Variants in CIB1 observed in about 807,000 individuals in gnomAD.
CIB1 encodes calcium and integrin binding 1.
A neutral mutation model predicts 25.0 loss-of-function variants in CIB1; 19 were observed. The observed-to-expected ratio is 0.76, with a 90% CI of 0.53 to 1.12. The LOEUF (loss-of-function observed/expected upper bound fraction) is 1.12. Ranked by LOEUF, CIB1 falls within the 50% of genes most tolerant of loss-of-function variation. CIB1 has a pLI of 0.00. For synonymous variants in CIB1, 104 were observed against 98.5 expected, an observed-to-expected ratio of 1.06 and a Z score of -0.33; for missense variants, 236 against 242.6, an observed-to-expected ratio of 0.97 and a Z score of 0.18.
At chr15:90,257,953 T>A in the CIB1 span, 1 of 1,299,496 alleles carries the variant, frequency 7.7e-7, no homozygotes, top group Non-Finnish European at 1.1e-6. Flanking sequence ...GGCATGCAAT[T>A]AGCGTTAGTG....
the CIB1 span, among the ~76,000 whole-genome samples, chr15:90,254,491 T>TAA: frequency 1.2e-5 from 1 of 84,238 alleles, no homozygotes; most frequent in African/African-American, 4.3e-5. Flanking sequence ...AGACTCCATC[T>TAA]AAAAAAAAAA....
At chr15:90,250,576 C>CTGAGGTCTG in the CIB1 span, 1 of 1,563,524 alleles carries the variant, frequency 6.4e-7, no homozygotes, top group Non-Finnish European at 8.7e-7. Flanking sequence ...TGAGGGAGGT[C>CTGAGGTCTG]TGAGGTCTGA....
the CIB1 span, among the ~76,000 whole-genome samples, chr15:90,261,126 T>C: frequency 2.0e-5 from 3 of 150,712 alleles, 1 homozygote; most frequent in South Asian, 6.3e-4. Flanking sequence ...TCATCTAGGC[T>C]GGAGTGCAGT....
the CIB1 span, among the ~76,000 whole-genome samples, chr15:90,251,824 GA>G: frequency 1.2e-3 from 152 of 130,586 alleles, no homozygotes; most frequent in Admixed American, 3.6e-3. Context: ...CAGTAAACAA[GA>G]AAAAAAAAAA....
chr15:90,241,176 G>A, the CIB1 span: 4 of 1,614,192 alleles, frequency 2.5e-6, no homozygotes, highest in Non-Finnish European at 3.4e-6. Flanking sequence ...AATCCTCCCT[G>A]GTGCTGTGGG....
the CIB1 span, among the ~76,000 whole-genome samples, chr15:90,246,869 G>A: frequency 2.9e-4 from 43 of 147,370 alleles, no homozygotes; most frequent in African/African-American, 9.8e-4. Flanking sequence ...AATGGTGGTC[G>A]AGGTCCTAGA....
chr15:90,262,446 C>G, the CIB1 span: 1 of 1,441,130 alleles, frequency 6.9e-7, no homozygotes, highest in Non-Finnish European at 9.1e-7. Flanking sequence ...CCCCTCTTCT[C>G]CCCAACACCA....
the CIB1 span, among the ~76,000 whole-genome samples, chr15:90,254,491 T>TAAAAA: frequency 5.9e-5 from 5 of 84,214 alleles, no homozygotes; most frequent in East Asian, 1.0e-3. Flanking sequence ...AGACTCCATC[T>TAAAAA]AAAAAAAAAA....
the CIB1 span, chr15:90,250,685 A>C: frequency 6.2e-7 from 1 of 1,614,156 alleles, no homozygotes; most frequent in Non-Finnish European, 8.5e-7. Flanking sequence ...TGTTGAGGAA[A>C]AGGAATCTGA....
chr15:90,233,786 C>A (rs748033455), intron 1 of CIB1, 49 bp downstream of exon 1: 3 of 1,551,132 alleles, frequency 1.9e-6, no homozygotes, highest in African/African-American at 1.4e-5. Flanking sequence ...ACCCTGCTCC[C>A]GAGAAGAGGC....
intron 4 of CIB1, 22 bp from the exon 5 acceptor site, chr15:90,231,235 C>T (rs1962479811): frequency 1.2e-6 from 2 of 1,613,378 alleles, no homozygotes; most frequent in Non-Finnish European, 1.7e-6. Context: ...ACACAGGAAG[C>T]CAAAAGACAC....
Position 90,230,001 on chromosome 15 carries a change from A to G in CIB1, c.*483T>C, listed in dbSNP as rs186021399. On this transcript the variant is annotated 3_prime_UTR_variant, in exon 7 of 7. Transcript: ENST00000328649. The stretch of plus-strand genomic sequence containing the variant: ...GCAGTAAAATAGACTTTACTGATGT[A>G]CGGTTCTTTACATTTTGATGCATGC... 1.7e-4 allele frequency: 30 copies of G among 179,158 alleles called. No individual in the cohort carries two copies. The highest frequency in any genetic ancestry group is 1.6e-3 in the Admixed American group (30 of 18,596). 11.1% of individuals were successfully genotyped at this position (179,158 alleles called of 1,614,324 possible). A position where few individuals can be genotyped will look rare whatever the true frequency, so the allele number is the denominator to read the frequency against.
chr15:90,253,132 A>C, the CIB1 span: 1 of 646,356 alleles, frequency 1.5e-6, no homozygotes, highest in Non-Finnish European at 2.7e-6. Context: ...GGCAAGAACT[A>C]CCTCCCTCTT....
chr15:90,251,221 C>A, the CIB1 span, among the ~76,000 whole-genome samples: 1 of 148,196 alleles, frequency 6.7e-6, no homozygotes, highest in East Asian at 2.0e-4. Context: ...TCAGGCCATT[C>A]TCCTGCCTCA....
the CIB1 span, among the ~76,000 whole-genome samples, chr15:90,261,308 A>T: frequency 1.3e-5 from 2 of 149,364 alleles, no homozygotes; most frequent in South Asian, 2.1e-4. Flanking sequence ...CGAATTCCCA[A>T]CCTCAAGTGA....
the CIB1 span, chr15:90,251,664 G>A: frequency 3.8e-5 from 60 of 1,559,998 alleles, no homozygotes; most frequent in African/African-American, 7.5e-4. Flanking sequence ...TCTTCCTCTG[G>A]AATGGACCCC....
chr15:90,263,614 C>T, the CIB1 span: 12 of 586,306 alleles, frequency 2.0e-5, no homozygotes, highest in Non-Finnish European at 3.0e-6. Flanking sequence ...TTTGTTGAAC[C>T]CCAAAGGAGT....
the CIB1 span, chr15:90,258,194 A>T: frequency 2.5e-6 from 4 of 1,614,244 alleles, no homozygotes; most frequent in Non-Finnish European, 3.4e-6. Context: ...ATCTGAATGG[A>T]GGTACATGTG....
At chr15:90,232,677 C>T (rs909358741) in intron 2 of CIB1, among the ~76,000 whole-genome samples, 4 of 152,116 alleles carry the variant, frequency 2.6e-5, no homozygotes, top group Non-Finnish European at 5.9e-5. Context: ...GAGGCCAAGG[C>T]GGGCGGAGCT....
Sources: gnomAD v4.1 joint callset for allele counts (sites outside exome capture counted in the v4.1 genomes callset) on GRCh38, gnomAD v4.1.1 for gene constraint, MANE v1.5 for transcripts, NCBI Gene and HGNC (gene_info 2026-07-23, HGNC 2026-07-21) for gene names.